The following CBLB variants were observed in gnomAD, a reference collection of about 807,000 sequenced individuals.
CBLB encodes the protein E3 ubiquitin-protein ligase CBL-B.
Under a neutral mutation model 104.9 loss-of-function variants are expected in CBLB, and 31 were observed. That is an observed-to-expected ratio of 0.30 (90% confidence interval 0.22 to 0.40). CBLB has a LOEUF of 0.40. CBLB is among the 10% of genes least tolerant of loss of function. CBLB has a pLI of 1.00. For missense variants in CBLB, 1,062 were observed against 1,214.6 expected (o/e 0.87, Z 1.87); for synonymous variants, 440 against 422.6 (o/e 1.04, Z -0.51).
chr3:105,682,618 T>C (rs1038046507), intron 14 of CBLB, among the ~76,000 whole-genome samples: 7 of 152,072 alleles, frequency 4.6e-5, no homozygotes, highest in Admixed American at 2.6e-4. Flanking sequence ...GCAATTCCCA[T>C]GCCTTAGCCT....
chr3:105,806,682 T>C (rs1165216883), intron 3 of CBLB, among the ~76,000 whole-genome samples: 2 of 152,126 alleles, frequency 1.3e-5, no homozygotes, highest in East Asian at 1.9e-4. Flanking sequence ...TTTTTTTTCA[T>C]TGAAATACTA....
At chr3:105,692,844 T>A (rs1483477832) in intron 13 of CBLB, among the ~76,000 whole-genome samples, 1 of 149,678 alleles carries the variant, frequency 6.7e-6, no homozygotes, top group Non-Finnish European at 1.5e-5. Context: ...CAGTTTATCC[T>A]GGTTTAACTT....
intron 4 of CBLB, among the ~76,000 whole-genome samples, chr3:105,756,750 T>G (rs1393833329): frequency 6.6e-6 from 1 of 152,192 alleles, no homozygotes; most frequent in Admixed American, 6.5e-5. Context: ...GGAACAAAAC[T>G]AAAATTTTAG....
At chr3:105,850,718 T>C (rs546566304) in intron 3 of CBLB, among the ~76,000 whole-genome samples, 3 of 152,306 alleles carry the variant, frequency 2.0e-5, no homozygotes, top group East Asian at 1.9e-4. Context: ...TTGGTTGATG[T>C]CAATTCAGTC....
At chr3:105,734,306 G>C (rs2074665400) in intron 8 of CBLB, among the ~76,000 whole-genome samples, 166 bp from the exon 9 acceptor site, 1 of 151,988 alleles carries the variant, frequency 6.6e-6, no homozygotes, top group South Asian at 2.1e-4. Flanking sequence ...ATCACAATTT[G>C]GTCTACAAAA....
chr3:105,723,639 A>G (rs975958809), intron 9 of CBLB, among the ~76,000 whole-genome samples: 3 of 152,094 alleles, frequency 2.0e-5, no homozygotes, highest in African/African-American at 7.2e-5. Context: ...TCATAATACT[A>G]CATTCTCCAC....
Position 105,691,602 on chromosome 3 carries a change from A to C in CBLB, c.2054+1892T>G, listed in dbSNP as rs950219746. Among the ~76,000 whole-genome samples the C allele has an allele frequency of 4.6e-5, 7 of 152,316 alleles. No individual in the cohort carries two copies. In the Middle Eastern group the frequency reaches 0.017, roughly 370 times the overall value. ...TTTTCTAATGTTCTCTGAGTTATCA[A>C]AGGTAATTGAGCTTAGATGTTTTAT... On this transcript the variant is annotated intron_variant, in intron 13 of 18. Transcript: ENST00000394030.
chr3:105,701,706 T>C (rs995086548), intron 12 of CBLB, among the ~76,000 whole-genome samples: 2 of 149,198 alleles, frequency 1.3e-5, no homozygotes, highest in Admixed American at 6.7e-5. Flanking sequence ...GAGGTTGCAG[T>C]GAGCCGAGAT....
chr3:105,844,418 T>C (rs2089979563), intron 3 of CBLB, among the ~76,000 whole-genome samples: 1 of 152,218 alleles, frequency 6.6e-6, no homozygotes, highest in Non-Finnish European at 1.5e-5. Context: ...AGTAATACAT[T>C]TCAATAGAAC....
chr3:105,708,777 T>C (rs999893735), intron 10 of CBLB, among the ~76,000 whole-genome samples: 3 of 152,026 alleles, frequency 2.0e-5, no homozygotes, highest in Non-Finnish European at 4.4e-5. Flanking sequence ...AATTAAATAA[T>C]GCATTATAAA....
Position 105,702,188 on chromosome 3 carries a change from C to A in CBLB, c.1865G>T (p.Ser622Ile). Residue 622 changes from serine to isoleucine, a missense_variant, in exon 12 of 19, where the codon AGT (serine) becomes ATT (isoleucine). Transcript: ENST00000394030. Reference sequence around the variant, plus strand: ...ACTGTGCCTTCCATTGACATTTGAACTCGCTGTGATTCCAGGTTTTGGAGA... The same window carrying A: ...ACTGTGCCTTCCATTGACATTTGAAATCGCTGTGATTCCAGGTTTTGGAGA... Reference protein sequence around the residue: ...EGSPKPGITASSNVNGRHSRV... With the variant: ...EGSPKPGITAISNVNGRHSRV... 6.2e-7 allele frequency: 1 copy of A among 1,614,136 alleles called. No individual in the cohort carries two copies. The highest frequency in any genetic ancestry group is 8.5e-7 in the Non-Finnish European group (1 of 1,180,020).
At chr3:105,843,266 A>G (rs536634601) in intron 3 of CBLB, among the ~76,000 whole-genome samples, 56 of 152,330 alleles carry the variant, frequency 3.7e-4, no homozygotes, top group Admixed American at 1.3e-3. Flanking sequence ...ATTTCCTAAA[A>G]TTTGAATTGA....
chr3:105,688,268 C>T (rs1437919569), intron 13 of CBLB, among the ~76,000 whole-genome samples: 1 of 151,984 alleles, frequency 6.6e-6, no homozygotes, highest in Admixed American at 6.6e-5. Context: ...GTGTTCTGCA[C>T]TGATGCTGTT....
rs543393058 is a variant in CBLB, at chr3:105,697,201, C to A, written c.1960-3613G>T. On this transcript the variant is annotated intron_variant, in intron 12 of 18. Transcript: ENST00000394030. ...TGAATTAGGTAATGAGGTTGAAGAA[C>A]TAAGAAAATAGTGGAAGTGTAGACT... 3.3e-5 allele frequency among the ~76,000 whole-genome samples: 5 copies of A among 151,896 alleles called. No individual in the cohort carries two copies. The East Asian group carries it at 7.7e-4, about 23-fold the overall frequency.
At chr3:105,666,155 G>A (rs1056440832) in intron 18 of CBLB, among the ~76,000 whole-genome samples, 2 of 152,116 alleles carry the variant, frequency 1.3e-5, no homozygotes, top group South Asian at 2.1e-4. Flanking sequence ...GAAACATACT[G>A]TCTAAATTTA....
intron 3 of CBLB, among the ~76,000 whole-genome samples, chr3:105,841,596 G>C (rs1040662050): frequency 6.6e-6 from 1 of 151,638 alleles, no homozygotes; most frequent in Non-Finnish European, 1.5e-5. Context: ...GGGACTACAG[G>C]CACCCGCCAC....
chr3:105,773,311 T>C, intron 4 of CBLB, among the ~76,000 whole-genome samples: 1 of 152,164 alleles, frequency 6.6e-6, no homozygotes, highest in South Asian at 2.1e-4. Flanking sequence ...TCGTATGTTC[T>C]CACTTATAAG....
chr3:105,754,983 T>A (rs9872897), intron 4 of CBLB, among the ~76,000 whole-genome samples: 31,294 of 151,190 alleles, frequency 0.21, 3,351 homozygotes, highest in Admixed American at 0.25. Context: ...ACAATAGTAA[T>A]CCTCTTTAAA....
At chr3:105,801,693 A>C (rs1213320799) in intron 3 of CBLB, among the ~76,000 whole-genome samples, 1 of 152,268 alleles carries the variant, frequency 6.6e-6, no homozygotes, top group Non-Finnish European at 1.5e-5. Flanking sequence ...ATTCCTTTGC[A>C]ATCTGTTGTT....
Sources: allele counts gnomAD v4.1 joint callset (sites outside exome capture counted in the v4.1 genomes callset), GRCh38; gene constraint gnomAD v4.1.1; transcripts MANE v1.5; gene names NCBI Gene and HGNC (gene_info 2026-07-23, HGNC 2026-07-21).